Variants in PCDH15 observed in about 807,000 individuals in gnomAD.
PCDH15 encodes the protein protocadherin related 15.
A neutral mutation model predicts 178.5 loss-of-function variants in PCDH15; 129 were observed. That is an observed-to-expected ratio of 0.72 (90% confidence interval 0.63 to 0.84). The LOEUF (loss-of-function observed/expected upper bound fraction) is 0.84, where lower values mean the gene tolerates loss of function less well. PCDH15 is among the 40% of genes least tolerant of loss of function. PCDH15 has a pLI of 0.00. For missense variants in PCDH15, 2,230 were observed against 2,099.9 expected (o/e 1.06, Z -1.21); for synonymous variants, 800 against 732.0 (o/e 1.09, Z -1.50).
chr10:54,564,686 G>A (rs556208215), intron 2 of PCDH15, among the ~76,000 whole-genome samples: 3 of 152,034 alleles, frequency 2.0e-5, no homozygotes, highest in South Asian at 4.2e-4. Flanking sequence ...ATAACTCAGA[G>A]AAATATTCCC....
chr10:54,787,360 C>G (rs191831816), intron 1 of PCDH15, among the ~76,000 whole-genome samples: 1 of 151,832 alleles, frequency 6.6e-6, no homozygotes, highest in Admixed American at 6.6e-5. Flanking sequence ...AATCCTTTAT[C>G]TAAAAGCATT....
intron 3 of PCDH15, among the ~76,000 whole-genome samples, chr10:54,821,418 A>G (rs1181845726): frequency 1.3e-5 from 2 of 152,090 alleles, no homozygotes; most frequent in African/African-American, 4.8e-5. Flanking sequence ...TTTTTAATAA[A>G]AAAAAAATTA....
chr10:54,313,895 A>G (rs2061062124), intron 8 of PCDH15, among the ~76,000 whole-genome samples: 1 of 151,914 alleles, frequency 6.6e-6, no homozygotes, highest in Non-Finnish European at 1.5e-5. Context: ...AAGTTTGTAC[A>G]CTCTGCTTTT....
intron 14 of PCDH15, among the ~76,000 whole-genome samples, chr10:54,151,944 T>C (rs1332709080): frequency 1.3e-5 from 2 of 152,138 alleles, no homozygotes; most frequent in Non-Finnish European, 2.9e-5. Flanking sequence ...AATTGTGTGG[T>C]AATAGGTTAT....
rs755495232 is a variant in PCDH15 at position 53,809,055 on chromosome 10, CCTT to C, written c.4671+1498_4671+1500del. 4.4e-5 allele frequency: 71 copies of C among 1,611,924 alleles called. No homozygotes were observed. In the African/African-American group the frequency reaches 5.1e-4, roughly 12 times the overall value. On this transcript the variant is annotated intron_variant, in intron 37 of 37. Transcript: ENST00000644397. The stretch of plus-strand genomic sequence containing the variant: ...CTTCCTTGACCTCCTCAACCATGGG[CCTT>C]CTTCTTGCAAGCACAATGTTTTTCC...
At chr10:54,466,090 A>G (rs1015641928) in intron 3 of PCDH15, among the ~76,000 whole-genome samples, 1 of 151,934 alleles carries the variant, frequency 6.6e-6, no homozygotes, top group African/African-American at 2.4e-5. Flanking sequence ...AGATCCTTGT[A>G]TAATCTGGAT....
intron 1 of PCDH15, among the ~76,000 whole-genome samples, chr10:54,753,875 TG>T (rs1288161511): frequency 1.3e-5 from 1 of 75,650 alleles, no homozygotes; most frequent in Non-Finnish European, 2.8e-5. Flanking sequence ...TTTTTGTTGT[TG>T]TTTTTTTGTT....
At chr10:55,205,280 G>T (rs772483941) in intron 1 of PCDH15, among the ~76,000 whole-genome samples, 3 of 151,830 alleles carry the variant, frequency 2.0e-5, no homozygotes, top group Non-Finnish European at 4.4e-5. Flanking sequence ...TAAACCTAAA[G>T]TATTTAGAAT....
At position 55,528,385 on chromosome 10, in the gene PCDH15, C is replaced by T. The variant is rs529502403; in HGVS notation, c.-156+99240G>A. Among the ~76,000 whole-genome samples the T allele has an allele frequency of 7.2e-5, 11 of 152,130 alleles. No individual in the cohort carries two copies. In the East Asian group the frequency reaches 2.1e-3, roughly 30 times the overall value. On this transcript the variant is annotated intron_variant, in intron 2 of 5. Coordinates refer to the PCDH15 transcript ENST00000613346. Reference sequence around the variant, plus strand: ...ATGCTATCCCTCACCCCTCTCCACACCCCAAAACAGGCCCCAGTGTGTGAT... The same window carrying T: ...ATGCTATCCCTCACCCCTCTCCACATCCCAAAACAGGCCCCAGTGTGTGAT...
rs183723165 is a variant in PCDH15 at position 55,305,156 on chromosome 10, G to A, written c.-156+14443C>T. 2.6e-4 allele frequency among the ~76,000 whole-genome samples: 40 copies of A among 152,264 alleles called. No homozygotes were observed. In the East Asian group the frequency reaches 4.6e-3, roughly 18 times the overall value. On this transcript the variant is annotated intron_variant, in intron 1 of 5. Coordinates refer to the PCDH15 transcript ENST00000458638. ...ATCTATCTATCCCTTTGCTCATTCA[G>A]TGAATGCAACTTCATAGAAATCATT... is the stretch of plus-strand genomic sequence containing the variant.
chr10:54,454,941 G>C (rs1370342499), intron 3 of PCDH15, among the ~76,000 whole-genome samples: 1 of 152,128 alleles, frequency 6.6e-6, no homozygotes, highest in Non-Finnish European at 1.5e-5. Flanking sequence ...TGTTGTGGGA[G>C]GGATCCAGTG....
chr10:54,843,928 A>G (rs1953461800), intron 3 of PCDH15, among the ~76,000 whole-genome samples: 1 of 152,068 alleles, frequency 6.6e-6, no homozygotes, highest in South Asian at 2.1e-4. Flanking sequence ...CAAAAATACG[A>G]TTTAACATGT....
At chr10:54,624,373 T>G (rs2093477539) in intron 2 of PCDH15, among the ~76,000 whole-genome samples, 1 of 152,186 alleles carries the variant, frequency 6.6e-6, no homozygotes, top group African/African-American at 2.4e-5. Flanking sequence ...AACTACTGAT[T>G]GCCTTGAATT....
chr10:55,214,394 G>A (rs780142528), intron 1 of PCDH15, among the ~76,000 whole-genome samples: 5 of 151,682 alleles, frequency 3.3e-5, no homozygotes, highest in Non-Finnish European at 7.4e-5. Context: ...TCTCTCTGCA[G>A]TTACATTGTT....
chr10:53,816,781 C>A (rs2076074757), intron 34 of PCDH15, among the ~76,000 whole-genome samples: 1 of 152,170 alleles, frequency 6.6e-6, no homozygotes, highest in Admixed American at 6.5e-5. Flanking sequence ...CTCTCCATTT[C>A]TTCTTCTTAC....
chr10:55,101,702 G>A (rs1564799306), intron 2 of PCDH15, among the ~76,000 whole-genome samples: 3 of 151,292 alleles, frequency 2.0e-5, no homozygotes, highest in Non-Finnish European at 4.4e-5. Context: ...AAAATACAAT[G>A]TGATACAATA....
chr10:53,827,466 C>G lies in PCDH15; in HGVS notation c.4294G>C (p.Val1432Leu), dbSNP rs886043533. Residue 1432 changes from valine to leucine, a missense_variant, in exon 32 of 38, where the codon GTG becomes CTG. By Grantham distance (32) the Val-to-Leu change is conservative. Transcript: ENST00000644397. ...AKPAVPAPAP[V>L]AAPPPPPPPP... ...GGCGGCGGCGGCGGGGGCGCTGCCA[C>G]TGGTGCAGGAGCCGGCACTGCTGGT... is the stretch of plus-strand genomic sequence containing the variant. The G allele has an allele frequency of 2.5e-6, 4 of 1,613,758 alleles. No individual in the cohort carries two copies. In the African/African-American group the frequency reaches 5.3e-5, roughly 22 times the overall value.
chr10:54,207,232 CCTTTT>C (rs761750401), intron 10 of PCDH15, among the ~76,000 whole-genome samples: 7 of 152,088 alleles, frequency 4.6e-5, no homozygotes, highest in Middle Eastern at 6.3e-3. Context: ...TACTTCCTTT[CCTTTT>C]ATTAGCTTCC....
chr10:55,146,982 G>A (rs1030845870), intron 2 of PCDH15, among the ~76,000 whole-genome samples: 2 of 151,426 alleles, frequency 1.3e-5, no homozygotes, highest in Non-Finnish European at 3.0e-5. Flanking sequence ...ATTTTAAAAA[G>A]AATCTATTTT....
Sources: gnomAD v4.1 joint callset for allele counts (sites outside exome capture counted in the v4.1 genomes callset) on GRCh38, gnomAD v4.1.1 for gene constraint, MANE v1.5 for transcripts, NCBI Gene and HGNC (gene_info 2026-07-23, HGNC 2026-07-21) for gene names.